The following GPC5 variants were observed in gnomAD, a reference collection of about 807,000 sequenced individuals.
GPC5 encodes glypican-5.
GPC5 carries 47 observed loss-of-function variants against 53.9 expected under a neutral mutation model. The ratio of observed to expected loss-of-function variants is 0.87; its 90% CI spans 0.69 to 1.11. The LOEUF is 1.11. Ranked by LOEUF, GPC5 falls within the 50% of genes most tolerant of loss-of-function variation. The probability of loss-of-function intolerance (pLI) is 0.00; values close to 1 mark genes in which losing one functional copy is unlikely to be tolerated. For synonymous variants in GPC5, 286 were observed against 263.3 expected, an observed-to-expected ratio of 1.09 and a Z score of -0.84; for missense variants, 748 against 713.1, an observed-to-expected ratio of 1.05 and a Z score of -0.56.
At chr13:92,500,485 G>C (rs953777689) in intron 7 of GPC5, among the ~76,000 whole-genome samples, 1 of 152,182 alleles carries the variant, frequency 6.6e-6, no homozygotes, top group Non-Finnish European at 1.5e-5. Flanking sequence ...GTAAACAAGC[G>C]ATTTAGATAG....
At chr13:91,630,277 A>AT (rs1243053708) in intron 2 of GPC5, among the ~76,000 whole-genome samples, 1 of 151,882 alleles carries the variant, frequency 6.6e-6, no homozygotes, top group Non-Finnish European at 1.5e-5. Flanking sequence ...TCTGAAGGAT[A>AT]TTTTTTTTCA....
intron 7 of GPC5, among the ~76,000 whole-genome samples, chr13:92,165,735 T>C (rs2042022737): frequency 6.6e-6 from 1 of 152,246 alleles, no homozygotes; most frequent in South Asian, 2.1e-4. Flanking sequence ...ATCTAGCTTT[T>C]AAATAATCTC....
At chr13:92,229,181 G>A (rs542768949) in intron 7 of GPC5, among the ~76,000 whole-genome samples, 7 of 152,124 alleles carry the variant, frequency 4.6e-5, no homozygotes, top group Non-Finnish European at 4.4e-5. Context: ...ATGTTAAGTG[G>A]GGAAGTGAGG....
At chr13:92,734,406 C>T (rs987008051) in intron 7 of GPC5, among the ~76,000 whole-genome samples, 1 of 151,800 alleles carries the variant, frequency 6.6e-6, no homozygotes, top group Non-Finnish European at 1.5e-5. Flanking sequence ...AGGACATAAT[C>T]ACTAGGAGAA....
chr13:92,753,864 T>C (rs1345219686), intron 7 of GPC5, among the ~76,000 whole-genome samples: 1 of 152,142 alleles, frequency 6.6e-6, no homozygotes, highest in Non-Finnish European at 1.5e-5. Context: ...TTGGTATACC[T>C]GAAAGTGACA....
At chr13:92,495,903 T>C (rs1406801289) in intron 7 of GPC5, among the ~76,000 whole-genome samples, 1 of 152,084 alleles carries the variant, frequency 6.6e-6, no homozygotes, top group African/African-American at 2.4e-5. Flanking sequence ...GCTTGACATT[T>C]AGAGTTAGAG....
intron 5 of GPC5, among the ~76,000 whole-genome samples, chr13:91,813,058 C>T (rs150407271): frequency 2.6e-4 from 39 of 152,236 alleles, no homozygotes; most frequent in African/African-American, 9.4e-4. Context: ...ACTTGAAATT[C>T]CAAAATGAGA....
chr13:92,676,896 G>C (rs1487395142), intron 7 of GPC5, among the ~76,000 whole-genome samples: 5 of 150,794 alleles, frequency 3.3e-5, no homozygotes, highest in South Asian at 2.2e-4. Context: ...AGTTAAGGAG[G>C]AGGATCATGG....
intron 6 of GPC5, among the ~76,000 whole-genome samples, chr13:92,064,764 A>AAACAATACAAAAC (rs371962452): frequency 2.2e-5 from 3 of 138,366 alleles, no homozygotes; most frequent in Non-Finnish European, 4.8e-5. Flanking sequence ...CTCAAAAAAA[A>AAACAATACAAAAC]AAAACAAAAC....
chr13:91,896,912 C>T (rs1034733271), intron 5 of GPC5, among the ~76,000 whole-genome samples: 6 of 152,050 alleles, frequency 3.9e-5, no homozygotes, highest in South Asian at 4.1e-4. Flanking sequence ...CTGTTACATA[C>T]GTAGATTGTT....
At chr13:92,558,063 T>C (rs1882561213) in intron 7 of GPC5, among the ~76,000 whole-genome samples, 1 of 151,992 alleles carries the variant, frequency 6.6e-6, no homozygotes, top group Admixed American at 6.6e-5. Flanking sequence ...AGAAGATTTA[T>C]TTACATCATC....
At chr13:92,200,939 G>A (rs1175545941) in intron 7 of GPC5, among the ~76,000 whole-genome samples, 1 of 150,612 alleles carries the variant, frequency 6.6e-6, no homozygotes, top group Non-Finnish European at 1.5e-5. Flanking sequence ...TTGGAGGAGT[G>A]TAGGGAGAGC....
chr13:91,831,244 G>C (rs2038654349), intron 5 of GPC5, among the ~76,000 whole-genome samples: 1 of 151,268 alleles, frequency 6.6e-6, no homozygotes, highest in Admixed American at 6.6e-5. Context: ...ATGTTGGAGG[G>C]CAGGAAGCAT....
At chr13:91,941,899 TACTC>T (rs60608056) in intron 6 of GPC5, among the ~76,000 whole-genome samples, 2,722 of 152,270 alleles carry the variant, frequency 0.018, 74 homozygotes, top group African/African-American at 0.063. Context: ...TTTTGCAACA[TACTC>T]AACAATAGAA....
In GPC5 at chr13:92,333,969, A is replaced by C. The variant is rs576356028; in HGVS notation, c.1561+188980A>C. 1.3e-5 allele frequency among the ~76,000 whole-genome samples: 2 copies of C among 152,192 alleles called. 1 individual carries two copies. The highest frequency in any genetic ancestry group is 4.1e-4 in the South Asian group (2 of 4,836). ...AAAACAAAACAAAACAAACAAAAAA[A>C]CCAAATACTATGGGTCAAAAATATT... On this transcript the variant is annotated intron_variant, in intron 7 of 7. Coordinates refer to ENST00000377067, the MANE Select transcript of GPC5 (RefSeq NM_004466.6).
At chr13:92,409,265 A>G (rs916525369) in intron 7 of GPC5, among the ~76,000 whole-genome samples, 1 of 151,954 alleles carries the variant, frequency 6.6e-6, no homozygotes, top group Non-Finnish European at 1.5e-5. Flanking sequence ...AAAATTAAAT[A>G]TCCTTCAATG....
intron 2 of GPC5, among the ~76,000 whole-genome samples, chr13:91,618,489 A>G (rs1442730500): frequency 6.6e-6 from 1 of 151,674 alleles, no homozygotes; most frequent in Non-Finnish European, 1.5e-5. Flanking sequence ...CATGATCACT[A>G]CTCTCTCTCA....
At chr13:92,187,040 A>G (rs2042188878) in intron 7 of GPC5, among the ~76,000 whole-genome samples, 1 of 151,618 alleles carries the variant, frequency 6.6e-6, no homozygotes, top group South Asian at 2.1e-4. Context: ...TGAACCCTGG[A>G]GGTGGAGGTT....
chr13:92,629,435 C>T (rs1185457375), intron 7 of GPC5, among the ~76,000 whole-genome samples: 1 of 152,018 alleles, frequency 6.6e-6, no homozygotes, highest in African/African-American at 2.4e-5. Flanking sequence ...TTCATTTGTT[C>T]CTAGCTGTTG....
Sources: allele counts gnomAD v4.1 joint callset (sites outside exome capture counted in the v4.1 genomes callset), GRCh38; gene constraint gnomAD v4.1.1; transcripts MANE v1.5; gene names NCBI Gene and HGNC (gene_info 2026-07-23, HGNC 2026-07-21).